Variants in RGS7BP observed in about 807,000 individuals in gnomAD.
RGS7BP encodes regulator of G protein signaling 7-binding protein.
In RGS7BP, 9 loss-of-function variants were observed where a neutral mutation model predicts 31.3. That is an observed-to-expected ratio of 0.29 (90% CI 0.17 to 0.50). The LOEUF is 0.50. Among genes scored for constraint, RGS7BP ranks in the 20% least tolerant of loss-of-function variants. RGS7BP has a pLI of 0.98. For missense variants in RGS7BP, 274 were observed against 322.0 expected (o/e 0.85, Z 1.14); for synonymous variants, 115 against 120.1 (o/e 0.96, Z 0.28).
chr5:64,562,225 T>A (rs1215997589), intron 2 of RGS7BP, among the ~76,000 whole-genome samples: 1 of 152,092 alleles, frequency 6.6e-6, no homozygotes, highest in Non-Finnish European at 1.5e-5. Context: ...TCATCCTTTT[T>A]TGAATAGCAG....
intron 2 of RGS7BP, among the ~76,000 whole-genome samples, chr5:64,517,326 T>A (rs968445616): frequency 4.6e-5 from 7 of 152,188 alleles, no homozygotes; most frequent in African/African-American, 1.7e-4. Context: ...AATACAGTCT[T>A]TTTTCATTGC....
intron 3 of RGS7BP, among the ~76,000 whole-genome samples, chr5:64,583,555 C>A (rs141886277): frequency 6.6e-6 from 1 of 152,006 alleles, no homozygotes; most frequent in Non-Finnish European, 1.5e-5. Flanking sequence ...TCTAAAAGTT[C>A]CAAATACTAA....
At chr5:64,541,412 C>T (rs1741523272) in intron 2 of RGS7BP, among the ~76,000 whole-genome samples, 1 of 152,180 alleles carries the variant, frequency 6.6e-6, no homozygotes, top group Admixed American at 6.5e-5. Context: ...GGACTAATAT[C>T]CAAGCCAAGC....
Position 64,506,818 on chromosome 5 carries a change from T to G in RGS7BP, c.165+29T>G. On this transcript the variant is annotated intron_variant, in intron 1 of 5. Coordinates refer to ENST00000334025, the MANE Select transcript of RGS7BP (RefSeq NM_001029875.3). The surrounding 1 kb of genome is among the most constrained non-coding windows in gnomAD (Gnocchi z 4.6). ...GGTGAAAACTGCGCCTCTTTTTTTT[T>G]TTTTTTAATTGAGAGGGGGTGGGGG... is the stretch of plus-strand genomic sequence containing the variant. The G allele has an allele frequency of 6.5e-7, 1 of 1,542,666 alleles. No individual in the cohort carries two copies. Among genetic ancestry groups the G allele is most frequent in the Non-Finnish European group, 8.8e-7 (1 of 1,141,968 alleles).
chr5:64,587,485 A>G lies in RGS7BP; in HGVS notation c.464-7225A>G, dbSNP rs150694007. Among the ~76,000 whole-genome samples the G allele has an allele frequency of 3.2e-3, 494 of 152,262 alleles. 1 individual carries two copies. Among genetic ancestry groups the G allele is most frequent in the African/African-American group, 0.011 (473 of 41,568 alleles). On this transcript the variant is annotated intron_variant, in intron 3 of 5. Coordinates refer to ENST00000334025, the MANE Select transcript of RGS7BP (RefSeq NM_001029875.3). ...TCCACAAATATAAATCATGGGAAAG[A>G]TTGCTGGAACTGCTGTCAGGAAAAT...
intron 3 of RGS7BP, among the ~76,000 whole-genome samples, chr5:64,578,700 T>G (rs1412873768): frequency 6.6e-6 from 1 of 152,206 alleles, no homozygotes; most frequent in East Asian, 1.9e-4. Context: ...TTCTCCCCCA[T>G]GCTGATGAAA....
chr5:64,598,740 A>T (rs762121707), intron 5 of RGS7BP, among the ~76,000 whole-genome samples: 1 of 152,208 alleles, frequency 6.6e-6, no homozygotes, highest in Non-Finnish European at 1.5e-5. Flanking sequence ...ACAAAGGAAG[A>T]TCTCTGCCAT....
At chr5:64,598,089 C>G (rs1212668388) in intron 4 of RGS7BP, among the ~76,000 whole-genome samples, 1 of 152,174 alleles carries the variant, frequency 6.6e-6, no homozygotes, top group East Asian at 1.9e-4. Context: ...TCTCTGATCT[C>G]AGCCAGGTTC....
At chr5:64,525,617 T>C (rs1238958284) in intron 2 of RGS7BP, among the ~76,000 whole-genome samples, 1 of 152,202 alleles carries the variant, frequency 6.6e-6, no homozygotes, top group Non-Finnish European at 1.5e-5. Context: ...GTTTTACATA[T>C]GAGGAAACTG....
At chr5:64,542,540 G>A (rs1171701512) in intron 2 of RGS7BP, among the ~76,000 whole-genome samples, 6 of 152,124 alleles carry the variant, frequency 3.9e-5, no homozygotes, top group Non-Finnish European at 5.9e-5. Context: ...GCCCAAAAAC[G>A]TTATTTTAGA....
intron 2 of RGS7BP, among the ~76,000 whole-genome samples, chr5:64,528,948 A>G (rs1561323919): frequency 6.6e-6 from 1 of 152,170 alleles, no homozygotes; most frequent in Non-Finnish European, 1.5e-5. Context: ...GAAGTATTCA[A>G]TACAGGCCAG....
chr5:64,602,846 G>A (rs1743254988), intron 5 of RGS7BP, among the ~76,000 whole-genome samples: 1 of 152,112 alleles, frequency 6.6e-6, no homozygotes, highest in African/African-American at 2.4e-5. Context: ...TGAAAATGGG[G>A]GATTATTAGG....
At chr5:64,571,288 T>C (rs1403548332) in intron 2 of RGS7BP, among the ~76,000 whole-genome samples, 4 of 152,198 alleles carry the variant, frequency 2.6e-5, no homozygotes, top group Non-Finnish European at 5.9e-5. Flanking sequence ...ATTATTCTAT[T>C]GTAGAAGTGT....
At chr5:64,543,715 C>T (rs1741582089) in intron 2 of RGS7BP, among the ~76,000 whole-genome samples, 1 of 152,162 alleles carries the variant, frequency 6.6e-6, no homozygotes. Context: ...GTAGGAGCTG[C>T]ATAAGTGGAG....
intron 3 of RGS7BP, among the ~76,000 whole-genome samples, chr5:64,591,950 G>C (rs1000392462): frequency 1.3e-5 from 2 of 152,180 alleles, no homozygotes; most frequent in Non-Finnish European, 2.9e-5. Context: ...GAAGTTTGGA[G>C]ATGAGAGATG....
chr5:64,554,735 A>T (rs1247564038), intron 2 of RGS7BP, among the ~76,000 whole-genome samples: 2 of 152,210 alleles, frequency 1.3e-5, no homozygotes, highest in East Asian at 3.8e-4. Context: ...TAATCCTTCA[A>T]GTGCTTTAGT....
intron 3 of RGS7BP, among the ~76,000 whole-genome samples, chr5:64,576,282 T>A (rs1176011226): frequency 6.6e-6 from 1 of 152,212 alleles, no homozygotes; most frequent in Non-Finnish European, 1.5e-5. Context: ...AATTACATAG[T>A]GTCCCAAAGA....
intron 2 of RGS7BP, among the ~76,000 whole-genome samples, chr5:64,527,411 G>T (rs932770286): frequency 6.6e-6 from 1 of 152,122 alleles, no homozygotes. Flanking sequence ...CTGCAGTAGG[G>T]ATTGAGAACT....
intron 3 of RGS7BP, among the ~76,000 whole-genome samples, chr5:64,576,493 C>T (rs565241154): frequency 7.9e-5 from 12 of 152,336 alleles, no homozygotes; most frequent in Middle Eastern, 3.4e-3. Flanking sequence ...GCTTTACCCT[C>T]GAGCTGGCTT....
Sources: gnomAD v4.1 joint callset for allele counts (sites outside exome capture counted in the v4.1 genomes callset) on GRCh38, gnomAD v4.1.1 for gene constraint, Gnocchi (gnomAD v3.1) non-coding constraint, MANE v1.5 for transcripts, NCBI Gene and HGNC (gene_info 2026-07-23, HGNC 2026-07-21) for gene names.